The following TMTC1 variants were observed in gnomAD, a reference collection of about 807,000 sequenced individuals.
The protein encoded by TMTC1 is protein O-mannosyl-transferase TMTC1.
In TMTC1, 73 loss-of-function variants were observed where a neutral mutation model predicts 104.8. That is an observed-to-expected ratio of 0.70 (90% CI 0.58 to 0.85). The LOEUF (loss-of-function observed/expected upper bound fraction) is 0.85, where lower values mean the gene tolerates loss of function less well. Ranked by LOEUF, TMTC1 falls within the 40% of genes least tolerant of loss-of-function variation. The pLI is 0.00. For synonymous variants in TMTC1, 434 were observed against 428.7 expected, an observed-to-expected ratio of 1.01 and a Z score of -0.15; for missense variants, 1,035 against 1,096.1, an observed-to-expected ratio of 0.94 and a Z score of 0.79.
chr12:29,781,821 A>AT (rs1395578755), intron 1 of TMTC1, among the ~76,000 whole-genome samples: 2 of 152,208 alleles, frequency 1.3e-5, no homozygotes, highest in Admixed American at 1.3e-4. Flanking sequence ...ACAGAGTGAG[A>AT]TCCCATCCCA....
chr12:29,545,676 C>CACACACACACACAGAG (rs1555167547), intron 10 of TMTC1, among the ~76,000 whole-genome samples: 1 of 137,850 alleles, frequency 7.3e-6, no homozygotes, highest in African/African-American at 2.8e-5. Context: ...CACACACACA[C>CACACACACACACAGAG]GGATAGAAAC....
chr12:29,604,142 C>G, intron 7 of TMTC1, 36 bp downstream of exon 7: 1 of 1,610,632 alleles, frequency 6.2e-7, no homozygotes, highest in Non-Finnish European at 8.5e-7. Context: ...TGACAGAGGG[C>G]AGGTCTTGTA....
chr12:29,618,514 T>A (rs1299880855), intron 6 of TMTC1, among the ~76,000 whole-genome samples: 4 of 152,176 alleles, frequency 2.6e-5, no homozygotes, highest in Non-Finnish European at 5.9e-5. Flanking sequence ...ATTCTATGCT[T>A]CCTCCTTAGG....
intron 9 of TMTC1, among the ~76,000 whole-genome samples, chr12:29,571,583 TAC>T (rs36015543): frequency 0.36 from 52,514 of 147,616 alleles, 9,163 homozygotes; most frequent in East Asian, 0.45. Flanking sequence ...CACACACACA[TAC>T]ACACACACAC....
intron 10 of TMTC1, among the ~76,000 whole-genome samples, chr12:29,545,676 C>CACAG (rs1555167547): frequency 0.22 from 30,237 of 137,572 alleles, 4,794 homozygotes; most frequent in Non-Finnish European, 0.3. Context: ...CACACACACA[C>CACAG]GGATAGAAAC....
At chr12:29,716,753 C>T (rs1038119604) in intron 5 of TMTC1, among the ~76,000 whole-genome samples, 12 of 152,132 alleles carry the variant, frequency 7.9e-5, no homozygotes, top group Non-Finnish European at 8.8e-5. Context: ...CAGGGGCTCA[C>T]GCCTGTAATC....
intron 7 of TMTC1, among the ~76,000 whole-genome samples, chr12:29,600,056 A>G (rs1489683267): frequency 1.4e-5 from 2 of 145,996 alleles, no homozygotes; most frequent in African/African-American, 5.0e-5. Context: ...AATGCTGTGG[A>G]AAATGGCTGT....
intron 5 of TMTC1, among the ~76,000 whole-genome samples, chr12:29,737,811 A>G (rs1440529988): frequency 6.6e-6 from 1 of 152,170 alleles, no homozygotes; most frequent in Admixed American, 6.5e-5. Flanking sequence ...ATGTAGGAAG[A>G]CCTACTTCCC....
At chr12:29,574,763 C>A (rs78279289) in intron 8 of TMTC1, among the ~76,000 whole-genome samples, 3,311 of 152,292 alleles carry the variant, frequency 0.022, 55 homozygotes, top group Non-Finnish European at 0.03. Flanking sequence ...CCACATTTAA[C>A]CCTCATCACT....
chr12:29,752,318 C>T (rs7970465), intron 4 of TMTC1, among the ~76,000 whole-genome samples: 34,345 of 152,106 alleles, frequency 0.23, 4,842 homozygotes, highest in Non-Finnish European at 0.32. Context: ...TGAGAAACCA[C>T]TCAGTTATGT....
intron 5 of TMTC1, among the ~76,000 whole-genome samples, chr12:29,707,255 G>T (rs11050401): frequency 0.38 from 58,369 of 151,930 alleles, 11,884 homozygotes; most frequent in African/African-American, 0.53. Context: ...ATGTTGGTTC[G>T]CATGAAGTCC....
At chr12:29,513,986 C>T (rs900595238) in intron 16 of TMTC1, among the ~76,000 whole-genome samples, 7 of 152,030 alleles carry the variant, frequency 4.6e-5, no homozygotes, top group African/African-American at 1.7e-4. Context: ...ACAGTCCATG[C>T]TTTTTAAGAG....
At chr12:29,507,329 C>T (rs1179973083) in intron 17 of TMTC1, among the ~76,000 whole-genome samples, 2 of 152,034 alleles carry the variant, frequency 1.3e-5, no homozygotes, top group African/African-American at 4.8e-5. Context: ...AACCATGGCA[C>T]AAAATTCATG....
chr12:29,705,853 C>T (rs1160880157), intron 5 of TMTC1, among the ~76,000 whole-genome samples: 1 of 152,066 alleles, frequency 6.6e-6, no homozygotes, highest in Non-Finnish European at 1.5e-5. Context: ...CCTAAAGACA[C>T]CTTAGGATGG....
intron 7 of TMTC1, among the ~76,000 whole-genome samples, 197 bp downstream of exon 7, chr12:29,603,981 C>T (rs1409203240): frequency 6.6e-6 from 1 of 152,126 alleles, no homozygotes; most frequent in East Asian, 1.9e-4. Context: ...TGAAGGTAAA[C>T]CACTGTAAAC....
At chr12:29,725,713 C>T (rs1942370420) in intron 5 of TMTC1, among the ~76,000 whole-genome samples, 1 of 152,210 alleles carries the variant, frequency 6.6e-6, no homozygotes, top group South Asian at 2.1e-4. Context: ...AAGTTTTTGA[C>T]ATTTCAGGAA....
At chr12:29,647,658 G>A (rs1263841131) in intron 5 of TMTC1, among the ~76,000 whole-genome samples, 5 of 152,080 alleles carry the variant, frequency 3.3e-5, no homozygotes, top group African/African-American at 1.2e-4. Flanking sequence ...TTCCTATCTT[G>A]ATCTTTTCCT....
At chr12:29,520,997 C>T (rs997482863) in intron 11 of TMTC1, 3 of 273,192 alleles carry the variant, frequency 1.1e-5, no homozygotes, top group Non-Finnish European at 2.0e-5. Flanking sequence ...TGGACCTGTA[C>T]AACATGCACG....
At chr12:29,755,051 T>C (rs991742257) in intron 4 of TMTC1, among the ~76,000 whole-genome samples, 1 of 152,158 alleles carries the variant, frequency 6.6e-6, no homozygotes, top group African/African-American at 2.4e-5. Context: ...ATGGATTTGA[T>C]GGGGAAGAAA....
Sources: gnomAD v4.1 joint callset for allele counts (sites outside exome capture counted in the v4.1 genomes callset) on GRCh38, gnomAD v4.1.1 for gene constraint, MANE v1.5 for transcripts, NCBI Gene and HGNC (gene_info 2026-07-23, HGNC 2026-07-21) for gene names.